Variants in ZNF714 observed in about 807,000 individuals in gnomAD.
The protein encoded by ZNF714 is zinc finger protein 714.
ZNF714 carries 32 observed loss-of-function variants against 46.2 expected under a neutral mutation model. The observed-to-expected ratio is 0.69, with a 90% CI of 0.52 to 0.93. The LOEUF (loss-of-function observed/expected upper bound fraction) is 0.93, where lower values mean the gene tolerates loss of function less well. Among genes scored for constraint, ZNF714 ranks in the 40% least tolerant of loss-of-function variants. ZNF714 has a pLI of 0.00. For synonymous variants in ZNF714, 199 were observed against 213.1 expected, an observed-to-expected ratio of 0.93 and a Z score of 0.58; for missense variants, 635 against 646.3, an observed-to-expected ratio of 0.98 and a Z score of 0.19.
chr19:21,102,842 G>T (rs1969215037), intron 4 of ZNF714, among the ~76,000 whole-genome samples: 1 of 151,884 alleles, frequency 6.6e-6, no homozygotes, highest in Non-Finnish European at 1.5e-5. Context: ...TTTCAGTGTA[G>T]GTTTCTTAAC....
At chr19:21,088,587 T>C (rs1322210590) in intron 2 of ZNF714, among the ~76,000 whole-genome samples, 1 of 152,120 alleles carries the variant, frequency 6.6e-6, no homozygotes, top group Non-Finnish European at 1.5e-5. Context: ...TTTAAAACTG[T>C]TTTTATTTCA....
rs1477332580 is a variant in ZNF714 at position 21,123,313 on chromosome 19, AAG to A, written c.*4986_*4987del. Among the ~76,000 whole-genome samples the A allele has an allele frequency of 6.6e-6, 1 of 152,072 alleles. No individual in the cohort carries two copies. Among genetic ancestry groups the A allele is most frequent in the Non-Finnish European group, 1.5e-5 (1 of 68,018 alleles). On this transcript the variant is annotated 3_prime_UTR_variant, in exon 5 of 5. Coordinates refer to ENST00000456283, the MANE Select transcript of ZNF714 (RefSeq NM_182515.4). ...TTGAAAATATGGAAATTAAATTTTTAAGAGAGTTAATAGTAAACGAATTTAAT... is the reference window on the plus strand; with the variant it reads ...TTGAAAATATGGAAATTAAATTTTTAAGAGTTAATAGTAAACGAATTTAAT...
At chr19:21,114,213 C>T (rs1198635101) in intron 4 of ZNF714, among the ~76,000 whole-genome samples, 1 of 151,922 alleles carries the variant, frequency 6.6e-6, no homozygotes, top group Non-Finnish European at 1.5e-5. Context: ...CCAAGGTGGA[C>T]AGATCACAAG....
chr19:21,108,037 C>T (rs1334202704), intron 4 of ZNF714, among the ~76,000 whole-genome samples: 3 of 152,202 alleles, frequency 2.0e-5, no homozygotes, highest in Non-Finnish European at 4.4e-5. Context: ...GATCTTTCCA[C>T]CTCAGCCTCC....
intron 4 of ZNF714, among the ~76,000 whole-genome samples, chr19:21,099,779 G>A: frequency 6.6e-6 from 1 of 152,134 alleles, no homozygotes; most frequent in Admixed American, 6.5e-5. Flanking sequence ...ATTTTATTAG[G>A]AAGTTTATTG....
intron 2 of ZNF714, among the ~76,000 whole-genome samples, chr19:21,097,476 T>C (rs977879582): frequency 7.9e-5 from 12 of 152,228 alleles, no homozygotes; most frequent in African/African-American, 2.9e-4. Flanking sequence ...TGACTTTTTT[T>C]CACTATAGAG....
At position 21,117,818 on chromosome 19, in the gene ZNF714, C is replaced by G. The variant is rs1485752809; in HGVS notation, c.1154C>G (p.Thr385Ser). The change falls in exon 5 of 5, where the codon ACT (threonine) becomes AGT (serine). Residue 385 changes from threonine to serine, a missense_variant. Physicochemically the swap from Thr to Ser is moderately conservative, Grantham distance 58. Coordinates refer to ENST00000456283, the MANE Select transcript of ZNF714 (RefSeq NM_182515.4). ...GCCTTTAACCACTCCTCAAAACTTA[C>G]TATACATAAGATAATTCATACTGGA... ...GKAFNHSSKLTIHKIIHTGEK... is the reference protein window; with the variant it reads ...GKAFNHSSKLSIHKIIHTGEK... 8 of 1,612,192 alleles carry G rather than the reference C, an allele frequency of 5.0e-6. No homozygotes were observed. The highest frequency in any genetic ancestry group is 3.4e-6 in the Non-Finnish European group (4 of 1,179,140).
At chr19:21,091,843 A>G (rs1296925050) in intron 2 of ZNF714, 2 of 152,208 alleles carry the variant, frequency 1.3e-5, no homozygotes, top group Admixed American at 1.3e-4. Context: ...GTTTTTAAAC[A>G]GTAGCTCAGA....
At chr19:21,096,952 C>T (rs1005555828) in intron 2 of ZNF714, among the ~76,000 whole-genome samples, 13 of 152,050 alleles carry the variant, frequency 8.5e-5, no homozygotes, top group African/African-American at 2.4e-4. Flanking sequence ...CTGCAAGCTC[C>T]GCCTCCTGGG....
At position 21,124,945 on chromosome 19, in the gene ZNF714, T is replaced by A. The variant is rs1194974407; in HGVS notation, c.*6613T>A. ...AAAATAATATAATTTTTTTCTTTTT[T>A]TTTTTTTTTTTTAAGGCCAGGTGTG... On this transcript the variant is annotated 3_prime_UTR_variant, in exon 5 of 5. Coordinates refer to ENST00000456283, the MANE Select transcript of ZNF714 (RefSeq NM_182515.4). 6.7e-6 allele frequency: 1 copy of A among 149,558 alleles called. No homozygotes were observed. The highest frequency in any genetic ancestry group is 1.5e-5 in the Non-Finnish European group (1 of 67,320). The allele number at this position is 149,558 out of a possible 1,614,324, so 9.3% of individuals were successfully genotyped here. A position where few individuals can be genotyped will look rare whatever the true frequency, so the allele number is the denominator to read the frequency against.
chr19:21,100,252 A>G (rs1182909816), intron 4 of ZNF714, among the ~76,000 whole-genome samples: 2 of 151,794 alleles, frequency 1.3e-5, no homozygotes, highest in African/African-American at 4.8e-5. Flanking sequence ...GGCCAGCCGC[A>G]GTGTCTCACA....
At chr19:21,114,701 T>G (rs1012652310) in intron 4 of ZNF714, among the ~76,000 whole-genome samples, 8 of 152,320 alleles carry the variant, frequency 5.3e-5, no homozygotes, top group Non-Finnish European at 1.0e-4. Context: ...TGCTAGCTGC[T>G]TATTTTGCAG....
intron 2 of ZNF714, among the ~76,000 whole-genome samples, chr19:21,095,195 G>C (rs895929646): frequency 6.6e-6 from 1 of 152,128 alleles, no homozygotes. Context: ...GGGAAACTGA[G>C]GCAGGCCTTG....
chr19:21,101,042 T>G (rs1969168683), intron 4 of ZNF714, among the ~76,000 whole-genome samples: 1 of 152,172 alleles, frequency 6.6e-6, no homozygotes, highest in South Asian at 2.1e-4. Flanking sequence ...GTTTATGGTT[T>G]TTTATATAAT....
At chr19:21,092,906 C>CT (rs56845417) in intron 2 of ZNF714, among the ~76,000 whole-genome samples, 9,332 of 101,542 alleles carry the variant, frequency 0.092, 1,159 homozygotes, top group African/African-American at 0.16. Context: ...ATAACTTAAA[C>CT]TTTTTTTTTT....
intron 2 of ZNF714, among the ~76,000 whole-genome samples, chr19:21,085,270 G>A (rs1285359736): frequency 6.6e-6 from 1 of 152,078 alleles, no homozygotes; most frequent in African/African-American, 2.4e-5. Flanking sequence ...TAGGATTTTT[G>A]ACAGTGAATA....
intron 2 of ZNF714, chr19:21,091,830 C>T (rs1968916239): frequency 6.6e-6 from 1 of 152,072 alleles, no homozygotes; most frequent in Non-Finnish European, 1.5e-5. Context: ...GTAGGAGTCC[C>T]CAGTTTTTAA....
rs751262444 is a variant in ZNF714, at chr19:21,106,837, T to C, written c.142+7927T>C. On this transcript the variant is annotated intron_variant, in intron 4 of 4. Transcript: ENST00000456283. The stretch of plus-strand genomic sequence containing the variant: ...TTTAGCTTATTTATGTATGTATGTA[T>C]GTATGTTTTGAGATGGAGTCTAGCT... Among the ~76,000 whole-genome samples the C allele has an allele frequency of 1.6e-3, 243 of 152,132 alleles. 2 individuals are homozygous for C. The highest frequency in any genetic ancestry group is 2.6e-3 in the Non-Finnish European group (179 of 68,014).
chr19:21,112,227 G>A (rs528179289), intron 4 of ZNF714, among the ~76,000 whole-genome samples: 2 of 152,088 alleles, frequency 1.3e-5, no homozygotes, highest in African/African-American at 4.8e-5. Flanking sequence ...ACTTTTTATG[G>A]TTGGTAGGCT....
Sources: gnomAD v4.1 joint callset for allele counts (sites outside exome capture counted in the v4.1 genomes callset) on GRCh38, gnomAD v4.1.1 for gene constraint, MANE v1.5 for transcripts, NCBI Gene and HGNC (gene_info 2026-07-23, HGNC 2026-07-21) for gene names.